XKR4: variants seen among roughly 807,000 people sequenced by gnomAD.
The protein encoded by XKR4 is XK-related protein 4.
A neutral mutation model predicts 53.9 loss-of-function variants in XKR4; 12 were observed. That is an observed-to-expected ratio of 0.22 (90% confidence interval 0.14 to 0.36). The LOEUF (loss-of-function observed/expected upper bound fraction) is 0.36, where lower values mean the gene tolerates loss of function less well. Among genes scored for constraint, XKR4 ranks in the 10% least tolerant of loss-of-function variants. The pLI, the probability that XKR4 is intolerant of heterozygous loss-of-function variation, is 1.00. For missense variants in XKR4, 799 were observed against 859.5 expected (o/e 0.93, Z 0.88); for synonymous variants, 354 against 362.4 (o/e 0.98, Z 0.26).
In XKR4 at chr8:55,137,351, A is replaced by T. The variant is rs192866332; in HGVS notation, c.806+34057A>T. Among the ~76,000 whole-genome samples, 43 of 152,324 alleles carry T rather than the reference A, an allele frequency of 2.8e-4. 1 individual carries two copies. The highest frequency in any genetic ancestry group is 2.6e-4 in the Admixed American group (4 of 15,298). ...TTTAAAGTGATTACCTCAATTGTCC[A>T]TTATTTACCAGTCAATTATTATATA... is the stretch of plus-strand genomic sequence containing the variant. On this transcript the variant is annotated intron_variant, in intron 1 of 2. Coordinates refer to ENST00000327381, the MANE Select transcript of XKR4 (RefSeq NM_052898.2).
chr8:55,320,694 A>G (rs541995758), intron 1 of XKR4, among the ~76,000 whole-genome samples: 1 of 152,220 alleles, frequency 6.6e-6, no homozygotes, highest in Non-Finnish European at 1.5e-5. Flanking sequence ...ATTATGCCTG[A>G]TTCTGGCAGT....
chr8:55,181,444 T>C (rs1449461125), intron 1 of XKR4, among the ~76,000 whole-genome samples: 1 of 152,208 alleles, frequency 6.6e-6, no homozygotes, highest in Non-Finnish European at 1.5e-5. Flanking sequence ...TTCTTTACTG[T>C]CCTCCTTCCT....
At chr8:55,316,180 G>A (rs1350569728) in intron 1 of XKR4, among the ~76,000 whole-genome samples, 2 of 152,194 alleles carry the variant, frequency 1.3e-5, no homozygotes, top group Non-Finnish European at 2.9e-5. Context: ...ATAATTTACA[G>A]TCTCTAAAGC....
At chr8:55,518,922 A>AT (rs1201383356) in intron 2 of XKR4, among the ~76,000 whole-genome samples, 1 of 152,198 alleles carries the variant, frequency 6.6e-6, no homozygotes, top group Non-Finnish European at 1.5e-5. Flanking sequence ...AATCACACCA[A>AT]TGGTGTTTCT....
chr8:55,151,809 C>G (rs1306554232), intron 1 of XKR4, among the ~76,000 whole-genome samples: 1 of 152,136 alleles, frequency 6.6e-6, no homozygotes, highest in South Asian at 2.1e-4. Context: ...AAATAGTTAT[C>G]AAAAACATTA....
At chr8:55,228,758 T>C (rs1422297842) in intron 1 of XKR4, among the ~76,000 whole-genome samples, 2 of 152,206 alleles carry the variant, frequency 1.3e-5, no homozygotes, top group Non-Finnish European at 1.5e-5. Context: ...ATATTCTTCA[T>C]AGCTCACCAC....
At chr8:55,333,842 C>T (rs1169543591) in intron 1 of XKR4, among the ~76,000 whole-genome samples, 2 of 152,116 alleles carry the variant, frequency 1.3e-5, no homozygotes, top group Non-Finnish European at 2.9e-5. Context: ...GACTGTATTG[C>T]ACCACATCAA....
chr8:55,517,786 T>C (rs1806737813), intron 2 of XKR4: 2 of 105,530 alleles, frequency 1.9e-5, no homozygotes, highest in African/African-American at 6.3e-5. Context: ...CTGTTCTGAC[T>C]CTGGAAATAA....
At chr8:55,103,809 G>T (rs967096465) in intron 1 of XKR4, among the ~76,000 whole-genome samples, 1 of 145,410 alleles carries the variant, frequency 6.9e-6, no homozygotes, top group Non-Finnish European at 1.5e-5. Flanking sequence ...TGCTGGAGAA[G>T]TGCTTTACTC....
intron 1 of XKR4, among the ~76,000 whole-genome samples, chr8:55,291,273 T>A (rs557555746): frequency 6.6e-6 from 1 of 152,322 alleles, no homozygotes; most frequent in South Asian, 2.1e-4. Context: ...TATAGATGTA[T>A]AATAAGTCTT....
intron 2 of XKR4, among the ~76,000 whole-genome samples, chr8:55,462,035 G>C (rs984663855): frequency 6.6e-6 from 1 of 152,198 alleles, no homozygotes. Flanking sequence ...ATGGAACCAA[G>C]TTGGAAAACA....
intron 1 of XKR4, among the ~76,000 whole-genome samples, chr8:55,280,372 G>A (rs989844341): frequency 5.9e-5 from 9 of 152,134 alleles, no homozygotes; most frequent in South Asian, 2.1e-4. Context: ...GGTAAACTAG[G>A]TTAACTCAGG....
At chr8:55,406,127 GTGATTTAACAGTAATAAGACTTGTAAAAT>G (rs1804678680) in intron 2 of XKR4, among the ~76,000 whole-genome samples, 1 of 152,180 alleles carries the variant, frequency 6.6e-6, no homozygotes, top group Non-Finnish European at 1.5e-5. Flanking sequence ...TTTGGATAAA[GTGATTTAACAGTAATAAGACTTGTAAAAT>G]TTATTTAATT....
At chr8:55,188,512 C>T (rs1406696754) in intron 1 of XKR4, among the ~76,000 whole-genome samples, 1 of 152,160 alleles carries the variant, frequency 6.6e-6, no homozygotes, top group Non-Finnish European at 1.5e-5. Flanking sequence ...CCAAGACAGT[C>T]GTTCAACAGC....
intron 2 of XKR4, chr8:55,451,947 C>T: frequency 2.6e-6 from 2 of 774,328 alleles, no homozygotes; most frequent in Admixed American, 3.6e-5. Flanking sequence ...GGCTCCAGTG[C>T]TCCTAGCTGA....
chr8:55,458,319 C>T (rs1805600258), intron 2 of XKR4, among the ~76,000 whole-genome samples: 1 of 152,220 alleles, frequency 6.6e-6, no homozygotes, highest in Admixed American at 6.5e-5. Context: ...GGGAAGCATG[C>T]AGGTGAGCAG....
intron 1 of XKR4, among the ~76,000 whole-genome samples, chr8:55,114,034 T>TAC (rs1816271467): frequency 1.3e-5 from 2 of 152,208 alleles, no homozygotes; most frequent in African/African-American, 4.8e-5. Flanking sequence ...GCAGTGAACA[T>TAC]ACACACACAT....
At chr8:55,203,367 A>G (rs1585936489) in intron 1 of XKR4, among the ~76,000 whole-genome samples, 1 of 152,330 alleles carries the variant, frequency 6.6e-6, no homozygotes, top group Admixed American at 6.5e-5. Context: ...GGCACAGATG[A>G]ATAAGAGTTG....
chr8:55,184,548 G>C (rs1171524269), intron 1 of XKR4, among the ~76,000 whole-genome samples: 1 of 152,198 alleles, frequency 6.6e-6, no homozygotes, highest in Non-Finnish European at 1.5e-5. Flanking sequence ...CACAATGGAA[G>C]TTGTGTATTT....
Sources: allele counts gnomAD v4.1 joint callset (sites outside exome capture counted in the v4.1 genomes callset), GRCh38; gene constraint gnomAD v4.1.1; transcripts MANE v1.5; gene names NCBI Gene and HGNC (gene_info 2026-07-23, HGNC 2026-07-21).